RYR2: variants seen among roughly 807,000 people sequenced by gnomAD.
The protein encoded by RYR2 is cardiac muscle ryanodine receptor-calcium release channel.
RYR2 carries 227 observed loss-of-function variants against 601.1 expected under a neutral mutation model. That is an observed-to-expected ratio of 0.38 (90% CI 0.34 to 0.42). The LOEUF (loss-of-function observed/expected upper bound fraction) is 0.42. Ranked by LOEUF, RYR2 falls within the 10% of genes least tolerant of loss-of-function variation. The probability of loss-of-function intolerance (pLI) is 1.00; values close to 1 mark genes in which losing one functional copy is unlikely to be tolerated. For synonymous variants in RYR2, 2,223 were observed against 2,175.1 expected, an observed-to-expected ratio of 1.02 and a Z score of -0.61; for missense variants, 4,646 against 6,156.5, an observed-to-expected ratio of 0.75 and a Z score of 8.21.
At chr1:237,677,455 T>C (rs1685502169) in intron 60 of RYR2, among the ~76,000 whole-genome samples, 1 of 152,216 alleles carries the variant, frequency 6.6e-6, no homozygotes, top group African/African-American at 2.4e-5. Flanking sequence ...TTATGAAAAT[T>C]ATCTTTTGAC....
intron 39 of RYR2, 54 bp downstream of exon 39, chr1:237,623,924 A>G (rs1477986008): frequency 1.1e-5 from 13 of 1,168,978 alleles, no homozygotes; most frequent in Non-Finnish European, 1.3e-5. Flanking sequence ...TAATCCATAT[A>G]TCCTGAGACG....
At chr1:237,326,088 C>A (rs562367174) in intron 2 of RYR2, among the ~76,000 whole-genome samples, 1 of 152,192 alleles carries the variant, frequency 6.6e-6, no homozygotes, top group African/African-American at 2.4e-5. Flanking sequence ...GTGAGTTAGG[C>A]AGATACAACT....
chr1:237,270,033 T>C (rs1408683041), intron 1 of RYR2, among the ~76,000 whole-genome samples: 1 of 152,194 alleles, frequency 6.6e-6, no homozygotes, highest in Non-Finnish European at 1.5e-5. Flanking sequence ...AGTGAGAAAG[T>C]TCTGTTATTG....
intron 1 of RYR2, among the ~76,000 whole-genome samples, chr1:237,203,828 C>T (rs1029611751): frequency 1.3e-5 from 2 of 152,168 alleles, no homozygotes; most frequent in South Asian, 2.1e-4. Context: ...CCTCCTAGAA[C>T]GTTTCCTCTT....
At chr1:237,564,012 G>A (rs1404480003) in intron 27 of RYR2, among the ~76,000 whole-genome samples, 1 of 152,032 alleles carries the variant, frequency 6.6e-6, no homozygotes, top group Non-Finnish European at 1.5e-5. Flanking sequence ...AGAATGTAAT[G>A]TAATATTTTA....
intron 1 of RYR2, among the ~76,000 whole-genome samples, chr1:237,084,453 G>A (rs138065210): frequency 2.1e-3 from 321 of 152,258 alleles, no homozygotes; most frequent in Non-Finnish European, 3.8e-3. Flanking sequence ...GTATAATGAC[G>A]TACATAATTC....
At chr1:237,399,048 A>G (rs1703108378) in intron 10 of RYR2, among the ~76,000 whole-genome samples, 1 of 152,118 alleles carries the variant, frequency 6.6e-6, no homozygotes. Context: ...GCAAAAAATT[A>G]GCTGGGCATG....
intron 44 of RYR2, among the ~76,000 whole-genome samples, chr1:237,636,546 G>C (rs952409311): frequency 1.3e-5 from 2 of 152,208 alleles, no homozygotes; most frequent in African/African-American, 4.8e-5. Context: ...AGGACAAGGA[G>C]CAGCTAGAAC....
chr1:237,092,608 C>T (rs1667094674), intron 1 of RYR2, among the ~76,000 whole-genome samples: 1 of 150,572 alleles, frequency 6.6e-6, no homozygotes, highest in African/African-American at 2.5e-5. Context: ...CGGCTCACTG[C>T]AACCTCCGCC....
At chr1:237,687,408 T>C in intron 62 of RYR2, 47 bp from the exon 63 acceptor site, 1 of 770,304 alleles carries the variant, frequency 1.3e-6, no homozygotes, top group Non-Finnish European at 2.1e-6. Flanking sequence ...CTTTTCTACC[T>C]TCCCTTCCCC....
chr1:237,724,354 C>A (rs979715960), intron 74 of RYR2, among the ~76,000 whole-genome samples: 2 of 150,966 alleles, frequency 1.3e-5, no homozygotes, highest in African/African-American at 2.4e-5. Context: ...ATTATCTGAA[C>A]CCTCACCCCT....
At chr1:237,193,262 G>A (rs1421059113) in intron 1 of RYR2, among the ~76,000 whole-genome samples, 3 of 151,650 alleles carry the variant, frequency 2.0e-5, no homozygotes, top group African/African-American at 4.8e-5. Context: ...TCAGGAGATC[G>A]AGACTATCGT....
At chr1:237,363,098 T>C (rs781321892) in intron 4 of RYR2, among the ~76,000 whole-genome samples, 2 of 147,620 alleles carry the variant, frequency 1.4e-5, no homozygotes, top group Non-Finnish European at 3.0e-5. Flanking sequence ...AAAAAAAAAA[T>C]CTCATGAAGA....
At chr1:237,660,738 G>C in intron 55 of RYR2, 72 bp from the exon 56 acceptor site, 1 of 1,347,340 alleles carries the variant, frequency 7.4e-7, no homozygotes, top group Non-Finnish European at 1.0e-6. Flanking sequence ...GTCTATTTTA[G>C]AGCAAAGCGT....
chr1:237,784,007 G>A lies in RYR2; in HGVS notation c.12295G>A (p.Ala4099Thr). 2 of 1,613,844 alleles carry A rather than the reference G, an allele frequency of 1.2e-6. No individual in the cohort carries two copies. The highest frequency in any genetic ancestry group is 2.2e-5 in the East Asian group (1 of 44,848). Residue 4099 changes from alanine to threonine, a missense_variant, in exon 90 of 105, where the codon GCC becomes ACC. This residue lies in a region of RYR2 where 70 missense variants were observed against 164.6 expected (regional missense o/e 0.43). Transcript: ENST00000366574. The surrounding 1 kb of genome is among the most constrained non-coding windows in gnomAD (Gnocchi z 7.1). ...TGCGAAGGACATCGGCTTCAACGTC[G>A]CCGTCCTTCTGACAAACCTCTCTGA... ...EPAKDIGFNV[A>T]VLLTNLSEHM...
At chr1:237,799,463 A>AAAT (rs1170999017) in intron 97 of RYR2, among the ~76,000 whole-genome samples, 2 of 152,208 alleles carry the variant, frequency 1.3e-5, no homozygotes, top group Non-Finnish European at 2.9e-5. Context: ...TACTATGAAG[A>AAAT]AATAGTTTTA....
At chr1:237,055,003 C>G (rs926283098) in intron 1 of RYR2, among the ~76,000 whole-genome samples, 1 of 152,164 alleles carries the variant, frequency 6.6e-6, no homozygotes, top group Non-Finnish European at 1.5e-5. Context: ...GGCTCAGATC[C>G]AGGGCTGGGG....
intron 24 of RYR2, among the ~76,000 whole-genome samples, chr1:237,522,187 C>T (rs1667157390): frequency 6.6e-6 from 1 of 152,036 alleles, no homozygotes; most frequent in Admixed American, 6.6e-5. Flanking sequence ...TGGCTCTCAT[C>T]CTTTGGATCA....
At chr1:237,727,284 G>T in intron 76 of RYR2, 85 bp downstream of exon 76, 1 of 536,430 alleles carries the variant, frequency 1.9e-6, no homozygotes, top group Non-Finnish European at 3.3e-6. Context: ...CTTAATAGGG[G>T]TACAATAGTC....
Sources: gnomAD v4.1 joint callset for allele counts (sites outside exome capture counted in the v4.1 genomes callset) on GRCh38, gnomAD v4.1.1 for gene constraint, gnomAD v4.1.1 regional missense constraint, Gnocchi (gnomAD v3.1) non-coding constraint, MANE v1.5 for transcripts, NCBI Gene and HGNC (gene_info 2026-07-23, HGNC 2026-07-21) for gene names.